The following STAB2 variants were observed in gnomAD, a reference collection of about 807,000 sequenced individuals.
The protein encoded by STAB2 is stabilin-2.
Under a neutral mutation model 338.1 loss-of-function variants are expected in STAB2, and 288 were observed. The ratio of observed to expected loss-of-function variants is 0.85; its 90% confidence interval spans 0.77 to 0.94. STAB2 has a LOEUF of 0.94. STAB2 is among the 40% of genes least tolerant of loss of function. The pLI is 0.00. For synonymous variants in STAB2, 1,202 were observed against 1,193.3 expected, an observed-to-expected ratio of 1.01 and a Z score of -0.15; for missense variants, 3,141 against 3,210.1, an observed-to-expected ratio of 0.98 and a Z score of 0.52.
chr12:103,735,325 C>T (rs1193089763), intron 51 of STAB2, among the ~76,000 whole-genome samples, 166 bp from the exon 52 acceptor site: 2 of 152,182 alleles, frequency 1.3e-5, no homozygotes, highest in Admixed American at 1.3e-4. Flanking sequence ...CAGAGAGCCC[C>T]GATTATTCTT....
chr12:103,665,694 C>G (rs1367149964), intron 18 of STAB2, among the ~76,000 whole-genome samples: 2 of 152,118 alleles, frequency 1.3e-5, no homozygotes, highest in Non-Finnish European at 2.9e-5. Context: ...CAATCAGAAG[C>G]TGGCAAGGGA....
At chr12:103,755,137 A>C in intron 61 of STAB2, 165 bp from the exon 62 acceptor site, 1 of 881,918 alleles carries the variant, frequency 1.1e-6, no homozygotes, top group Non-Finnish European at 1.7e-6. Flanking sequence ...TCAATCAATC[A>C]GTCAACATCT....
intron 1 of STAB2, 130 bp downstream of exon 1, chr12:103,587,687 G>C (rs1041757431): frequency 1.3e-6 from 1 of 757,560 alleles, no homozygotes; most frequent in Non-Finnish European, 2.1e-6. Context: ...AATGTTTTTG[G>C]AGACTAAGTC....
chr12:103,762,018 G>A (rs1245046814), intron 66 of STAB2, among the ~76,000 whole-genome samples: 3 of 152,108 alleles, frequency 2.0e-5, no homozygotes, highest in Admixed American at 6.5e-5. Context: ...GTGTGATATC[G>A]GGCAAGTGCT....
chr12:103,663,116 C>CCCAAAGGGGACAAAG (rs1409677072), intron 18 of STAB2, 118 bp downstream of exon 18: 67 of 1,292,324 alleles, frequency 5.2e-5, no homozygotes, highest in Non-Finnish European at 2.8e-5. Flanking sequence ...GAACCTTGTC[C>CCCAAAGGGGACAAAG]CCAAAGGGCT....
Position 103,749,017 on chromosome 12 carries a change from C to A in STAB2, c.6299C>A (p.Ser2100Tyr). The change falls in exon 59 of 69, where the codon TCC becomes TAC. Residue 2100 changes from serine to tyrosine, a missense_variant. Coordinates refer to ENST00000388887, the MANE Select transcript of STAB2 (RefSeq NM_017564.10). ...NGGCAKVARC[S>Y]QKGTKVSCSC... ...GGCTGTGCAAAGGTGGCCAGATGCTCCCAGAAGGGCACGAAGGTCTCCTGC... is the reference window on the plus strand; with the variant it reads ...GGCTGTGCAAAGGTGGCCAGATGCTACCAGAAGGGCACGAAGGTCTCCTGC... 2 of 1,614,084 alleles carry A rather than the reference C, an allele frequency of 1.2e-6. No individual in the cohort carries two copies. The highest frequency in any genetic ancestry group is 1.7e-6 in the Non-Finnish European group (2 of 1,180,002).
chr12:103,741,835 CAGCAGCTGTGATTTTTACT>C (rs1415680992), intron 55 of STAB2, among the ~76,000 whole-genome samples: 2 of 152,196 alleles, frequency 1.3e-5, no homozygotes, highest in Non-Finnish European at 2.9e-5. Context: ...GGTCTGTCTT[CAGCAGCTGTGATTTTTACT>C]AGCATGCATA....
intron 4 of STAB2, among the ~76,000 whole-genome samples, chr12:103,621,765 G>T (rs1235712579): frequency 6.6e-6 from 1 of 152,162 alleles, no homozygotes; most frequent in Non-Finnish European, 1.5e-5. Context: ...TTTCCCCCTT[G>T]GGCAAAGTTG....
chr12:103,713,698 G>A lies in STAB2; in HGVS notation c.4467G>A (p.Lys1489=), dbSNP rs1250383781. The A allele has an allele frequency of 2.5e-6, 4 of 1,614,128 alleles. No homozygotes were observed. Among genetic ancestry groups the A allele is most frequent in the Middle Eastern group, 1.6e-4 (1 of 6,062 alleles). Reference sequence around the variant, plus strand: ...GTTGCTCTGCCAAGGCTGACTGTAAGAGAACCACCCCAGGAAGGCGAGTGT... The same window carrying A: ...GTTGCTCTGCCAAGGCTGACTGTAAAAGAACCACCCCAGGAAGGCGAGTGT... ...NGGCSAKADC[K]RTTPGRRVCT... Residue 1489 remains lysine (K), a synonymous_variant, in exon 42 of 69, where the codon AAG becomes AAA. Coordinates refer to ENST00000388887, the MANE Select transcript of STAB2 (RefSeq NM_017564.10).
chr12:103,642,460 G>A (rs1164342617), intron 9 of STAB2, among the ~76,000 whole-genome samples: 3 of 152,052 alleles, frequency 2.0e-5, no homozygotes, highest in Non-Finnish European at 4.4e-5. Flanking sequence ...ATGATATTCA[G>A]TGTTTATATA....
In STAB2 at chr12:103,725,046, G is replaced by A. The variant is rs778709939; in HGVS notation, c.4755G>A (p.Lys1585=). ...TGQVERTCTC[K]PNYIGDGFTC... ...AAGTAGAAAGGACTTGTACTTGCAA[G>A]CCAAACTACATTGGAGATGGATTTA... The change falls in exon 45 of 69, where the codon AAG becomes AAA. Residue 1585 remains lysine (K), a synonymous_variant. Coordinates refer to ENST00000388887, the MANE Select transcript of STAB2 (RefSeq NM_017564.10). 6.2e-7 allele frequency: 1 copy of A among 1,613,832 alleles called. No individual in the cohort carries two copies. Among genetic ancestry groups the A allele is most frequent in the South Asian group, 1.1e-5 (1 of 91,076 alleles).
chr12:103,704,273 A>G (rs1879148689), intron 35 of STAB2, among the ~76,000 whole-genome samples: 1 of 152,190 alleles, frequency 6.6e-6, no homozygotes, highest in African/African-American at 2.4e-5. Context: ...AATTCACTTA[A>G]TAGTTGGTTT....
rs529048245 is a variant in STAB2 at position 103,723,704 on chromosome 12, A to T, written c.4684-1271A>T. On this transcript the variant is annotated intron_variant, in intron 44 of 68. Transcript: ENST00000388887. ...AGAGTGGGGCCCAGGAGGGCTAGGG[A>T]TTTGCCAAGCCATAGTGATGGAGGG... Among the ~76,000 whole-genome samples, 162 of 152,128 alleles carry T rather than the reference A, an allele frequency of 1.1e-3. 1 individual carries two copies. The highest frequency in any genetic ancestry group is 3.9e-3 in the African/African-American group (161 of 41,494).
chr12:103,755,577 A>T, intron 62 of STAB2, 35 bp from the exon 63 acceptor site: 1 of 1,613,152 alleles, frequency 6.2e-7, no homozygotes, highest in Non-Finnish European at 8.5e-7. Flanking sequence ...CCCCTGCCTT[A>T]CTTGTGTGGG....
chr12:103,613,698 A>G (rs946644825), intron 3 of STAB2, among the ~76,000 whole-genome samples: 2 of 152,000 alleles, frequency 1.3e-5, no homozygotes, highest in Non-Finnish European at 2.9e-5. Flanking sequence ...ACTGTCCTGC[A>G]CCCACTGTCT....
intron 24 of STAB2, among the ~76,000 whole-genome samples, chr12:103,676,347 G>A (rs926933747): frequency 2.5e-4 from 38 of 151,562 alleles, no homozygotes; most frequent in African/African-American, 8.5e-4. Context: ...CTAAGCCACC[G>A]CGCCCAGCCC....
At chr12:103,696,766 G>A (rs1161224869) in intron 33 of STAB2, among the ~76,000 whole-genome samples, 2 of 152,178 alleles carry the variant, frequency 1.3e-5, no homozygotes, top group African/African-American at 2.4e-5. Flanking sequence ...GGGACGGGGG[G>A]AGGAGAGGAG....
intron 1 of STAB2, among the ~76,000 whole-genome samples, chr12:103,588,487 CCAT>C (rs1477762498): frequency 6.6e-6 from 1 of 152,094 alleles, no homozygotes; most frequent in Non-Finnish European, 1.5e-5. Flanking sequence ...ATTATCATCA[CCAT>C]CATCATCTTC....
chr12:103,692,536 G>A lies in STAB2; in HGVS notation c.3298-276G>A, dbSNP rs572377184. ...GATGATCACAGTACCTCCCACATAG[G>A]GGAAAGTATTATTTCTTTCTTTCTC... On this transcript the variant is annotated intron_variant, in intron 30 of 68. Transcript: ENST00000388887. Among the ~76,000 whole-genome samples, 11 of 152,174 alleles carry A rather than the reference G, an allele frequency of 7.2e-5. No individual in the cohort carries two copies. In the East Asian group the frequency reaches 1.9e-3, roughly 27 times the overall value.
Sources: allele counts gnomAD v4.1 joint callset (sites outside exome capture counted in the v4.1 genomes callset), GRCh38; gene constraint gnomAD v4.1.1; transcripts MANE v1.5; gene names NCBI Gene and HGNC (gene_info 2026-07-23, HGNC 2026-07-21).